Variants in MBD5 observed in about 807,000 individuals in gnomAD.
MBD5 encodes the protein methyl-CpG binding domain protein 5.
In MBD5, 13 loss-of-function variants were observed where a neutral mutation model predicts 117.3. The ratio of observed to expected loss-of-function variants is 0.11; its 90% CI spans 0.07 to 0.18. The LOEUF (loss-of-function observed/expected upper bound fraction) is 0.18, where lower values mean the gene tolerates loss of function less well. MBD5 is among the 10% of genes least tolerant of loss of function. MBD5 has a pLI of 1.00. For synonymous variants in MBD5, 727 were observed against 766.4 expected (o/e 0.95, Z 0.85); for missense variants, 1,879 against 2,093.8 (o/e 0.90, Z 2.00).
intron 3 of MBD5, among the ~76,000 whole-genome samples, chr2:148,341,926 A>G (rs1702958788): frequency 6.6e-6 from 1 of 152,038 alleles, no homozygotes; most frequent in Admixed American, 6.6e-5. Context: ...TAGTAGATAT[A>G]CAAAATTATA....
chr2:148,038,617 T>A (rs1418664466), intron 1 of MBD5, among the ~76,000 whole-genome samples: 2 of 151,768 alleles, frequency 1.3e-5, no homozygotes, highest in African/African-American at 4.8e-5. Context: ...TAACACCAGT[T>A]TGTAATCTTC....
chr2:148,241,131 A>G (rs532389018), intron 3 of MBD5, among the ~76,000 whole-genome samples: 4 of 151,914 alleles, frequency 2.6e-5, no homozygotes, highest in Admixed American at 2.0e-4. Context: ...TTTTTACTGT[A>G]TGTTAGATAT....
chr2:148,115,103 T>G (rs1696601237), intron 1 of MBD5, among the ~76,000 whole-genome samples: 1 of 152,166 alleles, frequency 6.6e-6, no homozygotes, highest in African/African-American at 2.4e-5. Context: ...AAGTTGCTTT[T>G]TAAATATCTA....
chr2:148,113,816 CAT>C (rs993316526), intron 1 of MBD5, among the ~76,000 whole-genome samples: 2 of 152,002 alleles, frequency 1.3e-5, no homozygotes, highest in South Asian at 2.1e-4. Flanking sequence ...TTTTAGAAAA[CAT>C]AGAAGAAAAA....
At chr2:148,395,696 A>T (rs1704692715) in intron 4 of MBD5, among the ~76,000 whole-genome samples, 1 of 151,980 alleles carries the variant, frequency 6.6e-6, no homozygotes, top group African/African-American at 2.4e-5. Flanking sequence ...AAGTGCAGGG[A>T]TTAGAGGCGT....
At chr2:148,029,424 G>A (rs1201143238) in intron 1 of MBD5, among the ~76,000 whole-genome samples, 1 of 152,056 alleles carries the variant, frequency 6.6e-6, no homozygotes, top group Non-Finnish European at 1.5e-5. Context: ...ATAGCAATAT[G>A]TTGCCCACTA....
intron 1 of MBD5, among the ~76,000 whole-genome samples, chr2:148,052,663 T>A (rs1694748327): frequency 6.6e-6 from 1 of 152,214 alleles, no homozygotes; most frequent in South Asian, 2.1e-4. Flanking sequence ...GACCTATTGA[T>A]TATTTAGGAG....
intron 4 of MBD5, among the ~76,000 whole-genome samples, chr2:148,395,361 A>G (rs190131034): frequency 1.1e-4 from 17 of 151,386 alleles, no homozygotes; most frequent in Admixed American, 4.6e-4. Flanking sequence ...TACGCTATTC[A>G]GTCAATTATT....
At chr2:148,179,198 CA>C (rs1414057408) in intron 2 of MBD5, among the ~76,000 whole-genome samples, 11 of 151,750 alleles carry the variant, frequency 7.2e-5, no homozygotes, top group Admixed American at 7.2e-4. Context: ...ACTGAAAATA[CA>C]AAAAAATTAG....
At position 148,277,956 on chromosome 2, in the gene MBD5, C is replaced by T. The variant is rs938948533; in HGVS notation, c.-680+44561C>T. 3.9e-5 allele frequency among the ~76,000 whole-genome samples: 6 copies of T among 152,266 alleles called. No individual in the cohort carries two copies. In the East Asian group the frequency reaches 1.2e-3, roughly 29 times the overall value. On this transcript the variant is annotated intron_variant, in intron 3 of 13. Coordinates refer to ENST00000642680, the MANE Select transcript of MBD5 (RefSeq NM_001378120.1). ...CTTAGTGTATAGTTCTGAGTTTTGG[C>T]TTGTGTACACATTCATTGAACCACC... is the stretch of plus-strand genomic sequence containing the variant.
chr2:148,171,424 AC>A (rs1179483846), intron 1 of MBD5, among the ~76,000 whole-genome samples: 2 of 152,224 alleles, frequency 1.3e-5, no homozygotes, highest in Non-Finnish European at 2.9e-5. Context: ...ACAAAATTCA[AC>A]ATCCTTTCAT....
chr2:148,045,800 A>G (rs538480592), intron 1 of MBD5, among the ~76,000 whole-genome samples: 1 of 152,158 alleles, frequency 6.6e-6, no homozygotes, highest in East Asian at 1.9e-4. Flanking sequence ...CATTGTCTTT[A>G]TGCTATTAAG....
At chr2:148,318,662 A>G (rs1360527775) in intron 3 of MBD5, among the ~76,000 whole-genome samples, 1 of 152,154 alleles carries the variant, frequency 6.6e-6, no homozygotes, top group Non-Finnish European at 1.5e-5. Context: ...ATTCTTACGC[A>G]TATGGCTATC....
At chr2:148,144,100 T>C (rs1443357553) in intron 1 of MBD5, among the ~76,000 whole-genome samples, 12 of 152,136 alleles carry the variant, frequency 7.9e-5, no homozygotes, top group African/African-American at 1.7e-4. Context: ...ACATCCTCTC[T>C]AGCACCTGTT....
chr2:148,087,928 C>T (rs555169374), intron 1 of MBD5, among the ~76,000 whole-genome samples: 20 of 151,560 alleles, frequency 1.3e-4, no homozygotes, highest in Non-Finnish European at 2.8e-4. Context: ...CAAAGAGATA[C>T]CAGAGAAAGG....
intron 11 of MBD5, among the ~76,000 whole-genome samples, chr2:148,493,685 G>T (rs533443053): frequency 6.6e-6 from 1 of 152,306 alleles, no homozygotes; most frequent in East Asian, 1.9e-4. Flanking sequence ...AACTGACTTG[G>T]TCAGCTTATG....
At chr2:148,280,733 A>G (rs1419313944) in intron 3 of MBD5, among the ~76,000 whole-genome samples, 2 of 152,158 alleles carry the variant, frequency 1.3e-5, no homozygotes, top group Non-Finnish European at 2.9e-5. Flanking sequence ...CCTGGCCTAA[A>G]GTTGTTTTCT....
intron 1 of MBD5, among the ~76,000 whole-genome samples, chr2:148,134,656 GTCT>G (rs1697133149): frequency 1.3e-5 from 2 of 151,930 alleles, no homozygotes; most frequent in Non-Finnish European, 2.9e-5. Flanking sequence ...TTTCTCCACC[GTCT>G]TCTAACTCCT....
At chr2:148,109,464 T>A (rs976076983) in intron 1 of MBD5, among the ~76,000 whole-genome samples, 3 of 152,178 alleles carry the variant, frequency 2.0e-5, no homozygotes, top group Non-Finnish European at 4.4e-5. Flanking sequence ...TAAATAGCCA[T>A]GATATATAGC....
Sources: allele counts gnomAD v4.1 joint callset (sites outside exome capture counted in the v4.1 genomes callset), GRCh38; gene constraint gnomAD v4.1.1; transcripts MANE v1.5; gene names NCBI Gene and HGNC (gene_info 2026-07-23, HGNC 2026-07-21).